TTN: variants seen among roughly 807,000 people sequenced by gnomAD.
The protein encoded by TTN is titin.
TTN carries 1,525 observed loss-of-function variants against 3,223.0 expected under a neutral mutation model. The observed-to-expected ratio is 0.47, with a 90% CI of 0.45 to 0.49. The LOEUF is 0.49. TTN is among the 20% of genes least tolerant of loss of function. TTN has a pLI of 0.00. For synonymous variants in TTN, 14,094 were observed against 15,161.0 expected, an observed-to-expected ratio of 0.93 and a Z score of 5.17; for missense variants, 40,786 against 43,424.0, an observed-to-expected ratio of 0.94 and a Z score of 5.40.
chr2:178,721,742 G>T, intron 78 of TTN, 105 bp downstream of exon 78: 1 of 1,249,178 alleles, frequency 8.0e-7, no homozygotes, highest in Non-Finnish European at 1.1e-6. Flanking sequence ...ATTCTAACAT[G>T]TCCAGTTAGT....
chr2:178,696,887 ACTT>A (rs2073833913), intron 113 of TTN, among the ~76,000 whole-genome samples: 3 of 151,960 alleles, frequency 2.0e-5, no homozygotes, highest in South Asian at 2.1e-4. Flanking sequence ...TCTAGCCCTC[ACTT>A]CTTCTTTCTC....
intron 47 of TTN, chr2:178,747,722 G>A: frequency 5.0e-6 from 8 of 1,611,762 alleles, no homozygotes; most frequent in Non-Finnish European, 6.8e-6. Context: ...AGTGGTATGT[G>A]CCTCATCTAA....
At chr2:178,769,058 G>C in intron 37 of TTN, 125 bp from the exon 38 acceptor site, 2 of 1,113,360 alleles carry the variant, frequency 1.8e-6, no homozygotes, top group Non-Finnish European at 2.6e-6. Flanking sequence ...ACAGTTTAGA[G>C]ATATAAGCTT....
In TTN at chr2:178,573,856, T is replaced by G; in HGVS notation, c.72276A>C (p.Ser24092=). The G allele has an allele frequency of 6.2e-7, 1 of 1,611,330 alleles. No individual in the cohort carries two copies. The highest frequency in any genetic ancestry group is 8.5e-7 in the Non-Finnish European group (1 of 1,178,060). Residue 24092 remains serine (S), a synonymous_variant, in exon 326 of 363, where the codon TCA becomes TCC. Coordinates refer to ENST00000589042, the MANE Select transcript of TTN (RefSeq NM_001267550.2). ...TATAGGCACCACTATCCCTTCTTGT[T>G]GAATCTTTGTTTACCAGATTAGTAG... The part of the protein sequence containing the change: ...DFSTNLVNKD[S]TRRDSGAYTL...
chr2:178,747,174 G>C (rs1205063703), intron 47 of TTN: 6 of 1,609,640 alleles, frequency 3.7e-6, no homozygotes, highest in Non-Finnish European at 5.1e-6. Flanking sequence ...TCTCCTGGGG[G>C]TGTGGAGTAT....
intron 46 of TTN, among the ~76,000 whole-genome samples, chr2:178,755,939 G>A (rs2086805806): frequency 6.6e-6 from 1 of 152,088 alleles, no homozygotes; most frequent in Non-Finnish European, 1.5e-5. Flanking sequence ...CACTTTCTTG[G>A]TAGTGCGTTG....
rs549034465 is a variant in TTN, at chr2:178,689,304, G to A, written c.31997C>T (p.Pro10666Leu). Residue 10666 changes from proline to leucine, a missense_variant, in exon 124 of 363, where the codon CCA (proline) becomes CTA (leucine). Physicochemically the swap from Pro to Leu is moderately conservative, Grantham distance 98. Transcript: ENST00000589042. ...AGAAACAATACCTTTTGGTGGTGGT[G>A]GAACTTCTTCCTCCTTCCGAGGAAC... ...KPVPRKEEEV[P>L]PPPKVPALPK... 1.9e-6 allele frequency: 3 copies of A among 1,612,414 alleles called. No homozygotes were observed. Among genetic ancestry groups the A allele is most frequent in the Non-Finnish European group, 2.5e-6 (3 of 1,179,534 alleles).
At chr2:178,537,981 G>A in intron 354 of TTN, 64 bp from the exon 355 acceptor site, 3 of 1,358,404 alleles carry the variant, frequency 2.2e-6, no homozygotes, top group Non-Finnish European at 3.0e-6. Flanking sequence ...CTTTGTCCTT[G>A]TATATCAGGA....
At position 178,728,555 on chromosome 2, in the gene TTN, G is replaced by C. The variant is rs2079784971; in HGVS notation, c.19371C>G (p.Phe6457Leu). The C allele has an allele frequency of 6.2e-7, 1 of 1,613,006 alleles. No homozygotes were observed. Among genetic ancestry groups the C allele is most frequent in the Non-Finnish European group, 8.5e-7 (1 of 1,179,418 alleles). ...VMKQDSGQYT[F>L]KVENDFGSSS... Reference sequence around the variant, plus strand: ...TGCTTCCGAAGTCATTTTCCACCTTGAAAGTGTACTGACCGCTGTCCTGCT... The same window carrying C: ...TGCTTCCGAAGTCATTTTCCACCTTCAAAGTGTACTGACCGCTGTCCTGCT... The change falls in exon 66 of 363, where the codon TTC becomes TTG. Residue 6457 changes from phenylalanine (F) to leucine (L), a missense_variant. By Grantham distance (22) the Phe-to-Leu change is conservative. Transcript: ENST00000589042.
In TTN at chr2:178,775,490, T is replaced by A. The variant is rs922207759; in HGVS notation, c.6374A>T (p.Tyr2125Phe). Residue 2125 changes from tyrosine (Y) to phenylalanine (F), a missense_variant, in exon 28 of 363, where the codon TAC (tyrosine) becomes TTC (phenylalanine). Tyr to Phe is a conservative substitution (Grantham distance 22). Transcript: ENST00000589042. The part of the protein sequence containing the change: ...GVKIERSDRI[Y>F]WYWPEDNVCE... ...AACATTGTCTTCGGGCCAGTACCAG[T>A]AGATCCGGTCAGACCGTTCAATTTT... 1 of 1,614,044 alleles carries A rather than the reference T, an allele frequency of 6.2e-7. No individual in the cohort carries two copies. The highest frequency in any genetic ancestry group is 1.1e-5 in the South Asian group (1 of 91,084).
Position 178,730,726 on chromosome 2 carries a change from A to C in TTN, c.17807T>G (p.Ile5936Ser), listed in dbSNP as rs1365679296. 1.2e-6 allele frequency: 2 copies of C among 1,613,248 alleles called. No homozygotes were observed. The highest frequency in any genetic ancestry group is 2.2e-5 in the South Asian group (2 of 91,032). Reference sequence around the variant, plus strand: ...CCCAGCCACTATACATTCTAAATCAATGAAAGAACCTTTAATGCTGTCCAT... The same window carrying C: ...CCCAGCCACTATACATTCTAAATCACTGAAAGAACCTTTAATGCTGTCCAT... ...KKMDSIKGSF[I>S]DLECIVAGSH... is the part of the protein sequence containing the mutation. The change falls in exon 61 of 363, where the codon ATT becomes AGT. Residue 5936 changes from isoleucine to serine, a missense_variant. Ile to Ser is a moderately radical substitution (Grantham distance 142). Transcript: ENST00000589042.
At position 178,678,496 on chromosome 2, in the gene TTN, C is replaced by A; in HGVS notation, c.33828G>T (p.Val11276=). The A allele has an allele frequency of 6.4e-7, 1 of 1,569,732 alleles. No homozygotes were observed. Among genetic ancestry groups the A allele is most frequent in the East Asian group, 2.3e-5 (1 of 43,384 alleles). ...GCACAGGCTTCTTGGGTACCTCTGG[C>A]ACTTTAACGAAATGATTTAGAGAAA... ...PKKVEAPPAK[V]PEVPKKPVPE... The change falls in exon 144 of 363, where the codon GTG becomes GTT. Residue 11276 remains valine (V), a splice_region_variant and synonymous_variant. Transcript: ENST00000589042.
intron 58 of TTN, 49 bp from the exon 59 acceptor site, chr2:178,731,632 G>A: frequency 3.8e-6 from 6 of 1,566,554 alleles, no homozygotes; most frequent in Non-Finnish European, 5.2e-6. Context: ...TAGCAAAAGT[G>A]GCTTAAAAAA....
chr2:178,542,366 G>C lies in TTN; in HGVS notation c.97390C>G (p.Leu32464Val). 1 of 1,613,596 alleles carries C rather than the reference G, an allele frequency of 6.2e-7. No individual in the cohort carries two copies. Among genetic ancestry groups the C allele is most frequent in the Non-Finnish European group, 8.5e-7 (1 of 1,179,702 alleles). ...VTRSTFKFTR[L>V]TEGNEYVFRV... is the part of the protein sequence containing the mutation. ...AACACATACTCATTTCCTTCGGTGA[G>C]TCTGGTAAACTTAAACGTGGACCTA... is the stretch of plus-strand genomic sequence containing the variant. The change falls in exon 349 of 363, where the codon CTC (leucine) becomes GTC (valine). Residue 32464 changes from leucine (L) to valine (V), a missense_variant. Leu to Val is a conservative substitution (Grantham distance 32). Transcript: ENST00000589042.
At position 178,705,276 on chromosome 2, in the gene TTN, T is replaced by C. The variant is rs759468315; in HGVS notation, c.29502A>G (p.Glu9834=). ...MELLKNVDPK[E]YEKYARMYGI... ...CATACATGCGGGCATATTTTTCATA[T>C]TCTTTAGGATCAACATTTTTGAGAA... Residue 9834 remains glutamate, a synonymous_variant, in exon 103 of 363, where the codon GAA becomes GAG. Coordinates refer to ENST00000589042, the MANE Select transcript of TTN (RefSeq NM_001267550.2). 3 of 1,613,550 alleles carry C rather than the reference T, an allele frequency of 1.9e-6. No individual in the cohort carries two copies. Among genetic ancestry groups the C allele is most frequent in the Admixed American group, 3.3e-5 (2 of 59,984 alleles).
chr2:178,568,800 C>G lies in TTN; in HGVS notation c.77332G>C (p.Gly25778Arg). 1 of 1,613,194 alleles carries G rather than the reference C, an allele frequency of 6.2e-7. No individual in the cohort carries two copies. The highest frequency in any genetic ancestry group is 8.5e-7 in the Non-Finnish European group (1 of 1,179,518). The change falls in exon 326 of 363, where the codon GGG becomes CGG. Residue 25778 changes from glycine (G) to arginine (R), a missense_variant. Transcript: ENST00000589042. ...LFRVVAVNEK[G>R]RSDPRSLAVP... Reference sequence around the variant, plus strand: ...GCAAGGGACCGAGGATCACTTCTCCCCTTTTCATTTACAGCAACAACTCTA... The same window carrying G: ...GCAAGGGACCGAGGATCACTTCTCCGCTTTTCATTTACAGCAACAACTCTA...
chr2:178,789,065 A>G (rs2093354409), intron 13 of TTN, among the ~76,000 whole-genome samples: 1 of 152,088 alleles, frequency 6.6e-6, no homozygotes, highest in East Asian at 1.9e-4. Flanking sequence ...GGCCTCTTAA[A>G]ATTAGCCTGC....
Position 178,553,570 on chromosome 2 carries a change from G to A in TTN, c.89435C>T (p.Ala29812Val). The change falls in exon 334 of 363, where the codon GCT becomes GTT. Residue 29812 changes from alanine (A) to valine (V), a missense_variant. Transcript: ENST00000589042. Reference protein sequence around the residue: ...PGVNYYFRVSAVNCAGQGEPI... With the variant: ...PGVNYYFRVSVVNCAGQGEPI... ...TTCTCCTTGTCCAGCACAGTTTACA[G>A]CAGATACCCGGAAGTAGTAATTGAC... is the stretch of plus-strand genomic sequence containing the variant. The A allele has an allele frequency of 1.9e-6, 3 of 1,613,898 alleles. No homozygotes were observed. The highest frequency in any genetic ancestry group is 2.5e-6 in the Non-Finnish European group (3 of 1,179,810).
chr2:178,539,628 C>T lies in TTN; in HGVS notation c.98437G>A (p.Val32813Met), dbSNP rs1693400485. 1.9e-6 allele frequency: 3 copies of T among 1,613,842 alleles called. No homozygotes were observed. The highest frequency in any genetic ancestry group is 2.5e-6 in the Non-Finnish European group (3 of 1,179,808). Residue 32813 changes from valine to methionine, a missense_variant, in exon 352 of 363, where the codon GTG becomes ATG. Transcript: ENST00000589042. ...LEYDDIQVRSVRVSWRPPADD... is the reference protein window; with the variant it reads ...LEYDDIQVRSMRVSWRPPADD... ...GCAGGAGGTCTCCAGCTGACCCTCA[C>T]AGAGCGGACTTGGATGTCATCATAT...
Sources: gnomAD v4.1 joint callset for allele counts (sites outside exome capture counted in the v4.1 genomes callset) on GRCh38, gnomAD v4.1.1 for gene constraint, MANE v1.5 for transcripts, NCBI Gene and HGNC (gene_info 2026-07-23, HGNC 2026-07-21) for gene names.